CELSR1: variants seen among roughly 807,000 people sequenced by gnomAD.
CELSR1 encodes cadherin EGF LAG seven-pass G-type receptor 1, also known as adhesion G protein-coupled receptor C1.
A neutral mutation model predicts 249.1 loss-of-function variants in CELSR1; 110 were observed. The observed-to-expected ratio is 0.44, with a 90% CI of 0.38 to 0.52. The LOEUF (loss-of-function observed/expected upper bound fraction) is 0.52. Among genes scored for constraint, CELSR1 ranks in the 20% least tolerant of loss-of-function variants. The pLI is 0.00. For missense variants in CELSR1, 4,109 were observed against 4,296.4 expected (o/e 0.96, Z 1.22); for synonymous variants, 2,113 against 1,900.0 (o/e 1.11, Z -2.92).
At chr22:46,514,486 C>G (rs2080606444) in intron 1 of CELSR1, among the ~76,000 whole-genome samples, 1 of 152,154 alleles carries the variant, frequency 6.6e-6, no homozygotes, top group African/African-American at 2.4e-5. Context: ...GGCTGCCAGT[C>G]AGTCAGAACC....
chr22:46,516,926 A>C (rs1278005860), intron 1 of CELSR1, among the ~76,000 whole-genome samples: 1 of 152,196 alleles, frequency 6.6e-6, no homozygotes, highest in Non-Finnish European at 1.5e-5. Flanking sequence ...CCATGCCCAG[A>C]ATCCCACCTA....
At position 46,533,972 on chromosome 22, in the gene CELSR1, G is replaced by C; in HGVS notation, c.3199C>G (p.Arg1067Gly). The change falls in exon 1 of 35, where the codon CGG becomes GGG. Residue 1067 changes from arginine to glycine, a missense_variant. By Grantham distance (125) the Arg-to-Gly change is moderately radical (BLOSUM62 -2). Coordinates refer to ENST00000674500, the MANE Select transcript of CELSR1 (RefSeq NM_001378328.1). The stretch of plus-strand genomic sequence containing the variant: ...TGCACCACCAGCACATACTCCCGCC[G>C]GACCTCAAAGTCCAGCTCCACCATG... ...RAMVELDFEV[R>G]REYVLVVQAT... The C allele has an allele frequency of 2.5e-6, 4 of 1,613,474 alleles. No homozygotes were observed. Among genetic ancestry groups the C allele is most frequent in the Non-Finnish European group, 3.4e-6 (4 of 1,180,020 alleles).
intron 2 of CELSR1, among the ~76,000 whole-genome samples, chr22:46,460,531 G>A (rs1364905938): frequency 6.6e-6 from 1 of 152,184 alleles, no homozygotes; most frequent in African/African-American, 2.4e-5. Context: ...CAGGAGCCAA[G>A]TCAGAGCCTG....
Position 46,391,591 on chromosome 22 carries a change from C to A in CELSR1, c.6148+42G>T. On this transcript the variant is annotated intron_variant, in intron 15 of 34. Transcript: ENST00000674500. This position sits in a 1 kb window ranked among gnomAD's most constrained non-coding sequence, Gnocchi z 4.3. ...CGTGCACGCCAGTGCAGCAGCCTGT[C>A]CCCGCGCTGTAACCTGCAGGGTGTC... The A allele has an allele frequency of 6.5e-7, 1 of 1,532,072 alleles. No individual in the cohort carries two copies. The highest frequency in any genetic ancestry group is 8.7e-7 in the Non-Finnish European group (1 of 1,148,732). The allele number at this position is 1,532,072 out of a possible 1,614,324, so 94.9% of individuals were successfully genotyped here. A position where few individuals can be genotyped will look rare whatever the true frequency, so the allele number is the denominator to read the frequency against.
intron 1 of CELSR1, among the ~76,000 whole-genome samples, chr22:46,465,094 C>T (rs2147595054): frequency 6.6e-6 from 1 of 152,172 alleles, no homozygotes; most frequent in East Asian, 1.9e-4. Context: ...AAGTCGCATG[C>T]ATCATCGGTT....
chr22:46,476,198 A>T (rs1273629342), intron 1 of CELSR1, among the ~76,000 whole-genome samples: 1 of 152,220 alleles, frequency 6.6e-6, no homozygotes, highest in African/African-American at 2.4e-5. Context: ...TGCTCACCAC[A>T]GCATTATTCA....
In CELSR1 at chr22:46,377,135, G is replaced by A; in HGVS notation, c.7510C>T (p.His2504Tyr). 6.2e-7 allele frequency: 1 copy of A among 1,613,662 alleles called. No homozygotes were observed. ...RMLRSNLHSI[H>Y]KHLAVALFLS... is the part of the protein sequence containing the mutation. The stretch of plus-strand genomic sequence containing the variant: ...AAGAGCGCCACGGCGAGGTGCTTGT[G>A]AATGCTGTGCAGGTTGGAGCGCAGC... The change falls in exon 24 of 35, where the codon CAC becomes TAC. Residue 2504 changes from histidine (H) to tyrosine (Y), a missense_variant. Coordinates refer to ENST00000674500, the MANE Select transcript of CELSR1 (RefSeq NM_001378328.1).
rs1397437499 is a variant in CELSR1 at position 46,410,128 on chromosome 22, T to C, written c.4934-248A>G. ...CGGCCCGGTCACCTGGTGACACATA[T>C]GCAAGACCCTAGGATCATGTGCGCC... On this transcript the variant is annotated intron_variant, in intron 7 of 34. Coordinates refer to ENST00000674500, the MANE Select transcript of CELSR1 (RefSeq NM_001378328.1). This position sits in a 1 kb window ranked among gnomAD's most constrained non-coding sequence, Gnocchi z 6.8. Among the ~76,000 whole-genome samples, 1 of 152,208 alleles carries C rather than the reference T, an allele frequency of 6.6e-6. No individual in the cohort carries two copies. The highest frequency in any genetic ancestry group is 1.9e-4 in the East Asian group (1 of 5,180).
At chr22:46,372,453 A>C (rs1602033640) in intron 25 of CELSR1, among the ~76,000 whole-genome samples, 3 of 14,884 alleles carry the variant, frequency 2.0e-4, no homozygotes, top group Non-Finnish European at 2.4e-4. Context: ...CCATCCATCC[A>C]CTCACCCCCC....
At chr22:46,459,720 T>G (rs934846173) in intron 2 of CELSR1, among the ~76,000 whole-genome samples, 7 of 152,132 alleles carry the variant, frequency 4.6e-5, no homozygotes, top group African/African-American at 1.7e-4. Context: ...AATGTCTGAT[T>G]TTGTCAAATG....
chr22:46,442,664 G>A (rs1055185184), intron 2 of CELSR1, among the ~76,000 whole-genome samples: 2 of 152,200 alleles, frequency 1.3e-5, no homozygotes, highest in African/African-American at 4.8e-5. Context: ...ATGAGCTTTT[G>A]AAGAACAAAT....
chr22:46,366,919 G>A, intron 29 of CELSR1, 74 bp downstream of exon 29: 1 of 1,529,270 alleles, frequency 6.5e-7, no homozygotes, highest in Non-Finnish European at 8.8e-7. Context: ...CTGGGGCTGA[G>A]GCTCGATCAC....
At chr22:46,519,899 G>A (rs1171020553) in intron 1 of CELSR1, among the ~76,000 whole-genome samples, 8 of 147,448 alleles carry the variant, frequency 5.4e-5, no homozygotes, top group Admixed American at 4.1e-4. Context: ...CTGAGACAGA[G>A]TTTCGCTCAT....
At position 46,477,514 on chromosome 22, in the gene CELSR1, C is replaced by CT. The variant is rs10683807; in HGVS notation, c.3545-13170dup. On this transcript the variant is annotated intron_variant, in intron 1 of 34. Coordinates refer to ENST00000674500, the MANE Select transcript of CELSR1 (RefSeq NM_001378328.1). ...TTTTTGTTTTGTTTTGTTTTATTGG[C>CT]TTTTTTTTTTTTTTGAGACGGAGTC... 1.0e-3 allele frequency among the ~76,000 whole-genome samples: 134 copies of CT among 133,656 alleles called. 3 individuals are homozygous for CT. The highest frequency in any genetic ancestry group is 1.8e-3 in the Admixed American group (23 of 12,654). The allele number at this position is 133,656 out of a possible 152,430, so 87.7% of individuals were successfully genotyped here.
rs772772947 is a variant in CELSR1, at chr22:46,412,608, C to T, written c.4612-849G>A. 2.0e-5 allele frequency among the ~76,000 whole-genome samples: 3 copies of T among 152,150 alleles called. No homozygotes were observed. Among genetic ancestry groups the T allele is most frequent in the Non-Finnish European group, 4.4e-5 (3 of 68,026 alleles). On this transcript the variant is annotated intron_variant, in intron 5 of 34. Transcript: ENST00000674500. This position sits in a 1 kb window ranked among gnomAD's most constrained non-coding sequence, Gnocchi z 4.5. ...CTCCAAGAGACTGTGGTTTGCCATCCGGGGACGAGCCCACTTTCCCCAGAC... is the reference window on the plus strand; with the variant it reads ...CTCCAAGAGACTGTGGTTTGCCATCTGGGGACGAGCCCACTTTCCCCAGAC...
intron 2 of CELSR1, among the ~76,000 whole-genome samples, chr22:46,439,981 AC>A (rs1405278216): frequency 6.6e-6 from 1 of 151,552 alleles, no homozygotes; most frequent in Non-Finnish European, 1.5e-5. Flanking sequence ...CTGGATTCCA[AC>A]CCGGTTCTAA....
chr22:46,531,622 G>C (rs76172143), intron 1 of CELSR1, among the ~76,000 whole-genome samples: 102 of 152,312 alleles, frequency 6.7e-4, no homozygotes, highest in African/African-American at 2.4e-3. Flanking sequence ...TGCTTTCTGC[G>C]GATCGTGGTT....
intron 19 of CELSR1, among the ~76,000 whole-genome samples, chr22:46,385,294 C>T (rs1169162702): frequency 6.6e-6 from 1 of 152,208 alleles, no homozygotes; most frequent in African/African-American, 2.4e-5. Context: ...GACAGGGTCT[C>T]ACTATGGCGC....
Position 46,396,494 on chromosome 22 carries a change from C to A in CELSR1, c.5843+111G>T. ...TTAAAAAAAAATATGTCCCTGTTACCCAGAATCACACATATCTTTGGGTCA... is the reference window on the plus strand; with the variant it reads ...TTAAAAAAAAATATGTCCCTGTTACACAGAATCACACATATCTTTGGGTCA... On this transcript the variant is annotated intron_variant, in intron 13 of 34. Transcript: ENST00000674500. The surrounding 1 kb of genome is among the most constrained non-coding windows in gnomAD (Gnocchi z 6.4). 8.6e-7 allele frequency: 1 copy of A among 1,169,518 alleles called. No homozygotes were observed. Among genetic ancestry groups the A allele is most frequent in the East Asian group, 2.9e-5 (1 of 33,912 alleles). The allele number at this position is 1,169,518 out of a possible 1,614,324, so 72.4% of individuals were successfully genotyped here.
Sources: gnomAD v4.1 joint callset for allele counts (sites outside exome capture counted in the v4.1 genomes callset) on GRCh38, gnomAD v4.1.1 for gene constraint, Gnocchi (gnomAD v3.1) non-coding constraint, MANE v1.5 for transcripts, NCBI Gene and HGNC (gene_info 2026-07-23, HGNC 2026-07-21) for gene names.